Variants in ANO2 observed in about 807,000 individuals in gnomAD.
The protein encoded by ANO2 is anoctamin-2.
ANO2 carries 101 observed loss-of-function variants against 124.2 expected under a neutral mutation model. The ratio of observed to expected loss-of-function variants is 0.81; its 90% CI spans 0.69 to 0.96. ANO2 has a LOEUF of 0.96. Ranked by LOEUF, ANO2 falls within the 40% of genes least tolerant of loss-of-function variation. The pLI is 0.00. For synonymous variants in ANO2, 486 were observed against 482.5 expected (o/e 1.01, Z -0.09); for missense variants, 1,293 against 1,274.5 (o/e 1.01, Z -0.22).
chr12:5,866,894 C>T (rs1292729621), intron 3 of ANO2, among the ~76,000 whole-genome samples: 1 of 152,218 alleles, frequency 6.6e-6, no homozygotes, highest in Non-Finnish European at 1.5e-5. Context: ...AAATGCCTTC[C>T]TCTTTTCCCA....
At chr12:5,693,608 C>G (rs1314852509) in intron 14 of ANO2, among the ~76,000 whole-genome samples, 1 of 152,162 alleles carries the variant, frequency 6.6e-6, no homozygotes, top group Non-Finnish European at 1.5e-5. Context: ...GACTTCCCAT[C>G]TCATTCGGAG....
At chr12:5,668,826 T>G (rs1591857022) in intron 14 of ANO2, among the ~76,000 whole-genome samples, 1 of 152,256 alleles carries the variant, frequency 6.6e-6, no homozygotes, top group African/African-American at 2.4e-5. Flanking sequence ...TGCTTGTTTT[T>G]GCCAGATTTC....
In ANO2 at chr12:5,608,352, G is replaced by T. The variant is rs368188237; in HGVS notation, c.2087+4304C>A. On this transcript the variant is annotated intron_variant, in intron 19 of 24. Coordinates refer to ENST00000682330, the MANE Select transcript of ANO2 (RefSeq NM_001364791.2). ...ATTGTACAAATTATAAAGAACTTTGGGGATAAAAGATCCTAGGATTTGGCA... is the reference window on the plus strand; with the variant it reads ...ATTGTACAAATTATAAAGAACTTTGTGGATAAAAGATCCTAGGATTTGGCA... 4.6e-4 allele frequency among the ~76,000 whole-genome samples: 69 copies of T among 150,598 alleles called. 1 individual carries two copies. The highest frequency in any genetic ancestry group is 1.2e-3 in the African/African-American group (48 of 40,934).
rs557501968 is a variant in ANO2 at position 5,904,430 on chromosome 12, G to A, written c.534+16610C>T. Among the ~76,000 whole-genome samples, 15 of 152,340 alleles carry A rather than the reference G, an allele frequency of 9.8e-5. No individual in the cohort carries two copies. The East Asian group carries it at 2.5e-3, about 25-fold the overall frequency. On this transcript the variant is annotated intron_variant, in intron 3 of 24. Coordinates refer to ENST00000682330, the MANE Select transcript of ANO2 (RefSeq NM_001364791.2). This position sits in a 1 kb window ranked among gnomAD's most constrained non-coding sequence, Gnocchi z 4.1. ...AGAGTGATGGGAAAACCACATGGAAGGGAAGCCACAGAAGAGGAAGGCTGA... is the reference window on the plus strand; with the variant it reads ...AGAGTGATGGGAAAACCACATGGAAAGGAAGCCACAGAAGAGGAAGGCTGA...
chr12:5,579,288 T>C (rs1038168442), intron 20 of ANO2, among the ~76,000 whole-genome samples: 1 of 152,184 alleles, frequency 6.6e-6, no homozygotes, highest in Middle Eastern at 3.2e-3. Context: ...GTTTTATGTA[T>C]GCCAAGAGAG....
intron 13 of ANO2, among the ~76,000 whole-genome samples, chr12:5,736,521 T>C (rs976439125): frequency 6.6e-6 from 1 of 152,188 alleles, no homozygotes; most frequent in Non-Finnish European, 1.5e-5. Context: ...CTTCTAATCA[T>C]GGCTTTCAAG....
intron 20 of ANO2, chr12:5,584,135 C>A (rs553716711): frequency 1.2e-5 from 2 of 164,556 alleles, no homozygotes; most frequent in South Asian, 1.2e-4. Context: ...ATGAACACCC[C>A]CCCCCCGCCG....
At chr12:5,863,045 T>G (rs1383736158) in intron 3 of ANO2, among the ~76,000 whole-genome samples, 1 of 152,202 alleles carries the variant, frequency 6.6e-6, no homozygotes, top group African/African-American at 2.4e-5. Context: ...TCTGCTGCCA[T>G]GTAAACACAT....
chr12:5,675,632 C>T (rs934383146), intron 14 of ANO2, among the ~76,000 whole-genome samples: 13 of 152,234 alleles, frequency 8.5e-5, no homozygotes, highest in Middle Eastern at 3.2e-3. Context: ...CCTTGCCTTG[C>T]TGTCGTCAGT....
intron 14 of ANO2, among the ~76,000 whole-genome samples, chr12:5,720,183 G>A (rs775386550): frequency 3.3e-5 from 5 of 152,184 alleles, no homozygotes; most frequent in Non-Finnish European, 7.3e-5. Flanking sequence ...GCAACCTCTA[G>A]CTGGGCAATG....
chr12:5,563,078 A>G lies in ANO2; in HGVS notation c.*221T>C. On this transcript the variant is annotated 3_prime_UTR_variant, in exon 25 of 25. Coordinates refer to ENST00000682330, the MANE Select transcript of ANO2 (RefSeq NM_001364791.2). ...AAGGATGCAGCTTAAAAGGGGACCT[A>G]AAAGAAACTTAAGCTTGAAGTTTCT... The G allele has an allele frequency of 1.5e-6, 1 of 688,060 alleles. No individual in the cohort carries two copies. The highest frequency in any genetic ancestry group is 2.3e-6 in the Non-Finnish European group (1 of 425,734). 42.6% of individuals were successfully genotyped at this position (688,060 alleles called of 1,614,324 possible).
chr12:5,681,717 C>A (rs1178801440), intron 14 of ANO2, among the ~76,000 whole-genome samples: 1 of 152,162 alleles, frequency 6.6e-6, no homozygotes, highest in Non-Finnish European at 1.5e-5. Context: ...CTTCTTATTC[C>A]CTGGAGTCCA....
intron 3 of ANO2, among the ~76,000 whole-genome samples, chr12:5,864,393 G>T (rs949820093): frequency 6.6e-6 from 1 of 152,248 alleles, no homozygotes; most frequent in African/African-American, 2.4e-5. Context: ...TGGCGCCTGG[G>T]CTTCCAGCAC....
intron 6 of ANO2, among the ~76,000 whole-genome samples, chr12:5,829,156 G>A (rs1954075255): frequency 6.6e-6 from 1 of 152,140 alleles, no homozygotes; most frequent in Non-Finnish European, 1.5e-5. Context: ...CTAATATAGT[G>A]CAGTAATTCA....
chr12:5,786,686 C>G (rs1202446224), intron 10 of ANO2, among the ~76,000 whole-genome samples: 1 of 152,176 alleles, frequency 6.6e-6, no homozygotes, highest in Non-Finnish European at 1.5e-5. Flanking sequence ...TCCGCCTCCC[C>G]ACCACCTCCC....
chr12:5,688,111 G>A (rs1948778983), intron 14 of ANO2, among the ~76,000 whole-genome samples: 1 of 152,094 alleles, frequency 6.6e-6, no homozygotes, highest in African/African-American at 2.4e-5. Flanking sequence ...CCTTGTGGGG[G>A]GAACAGAAAC....
At chr12:5,930,253 T>C (rs1942298845) in intron 1 of ANO2, among the ~76,000 whole-genome samples, 1 of 152,232 alleles carries the variant, frequency 6.6e-6, no homozygotes. Flanking sequence ...CCCAATGTTT[T>C]ATACAATACC....
At chr12:5,834,094 A>G (rs548039223) in intron 4 of ANO2, among the ~76,000 whole-genome samples, 122 of 152,252 alleles carry the variant, frequency 8.0e-4, no homozygotes, top group Admixed American at 2.6e-3. Flanking sequence ...CCCACCTCCA[A>G]GCTGGCTACC....
chr12:5,933,864 C>T (rs1264199826), intron 1 of ANO2, among the ~76,000 whole-genome samples: 1 of 152,206 alleles, frequency 6.6e-6, no homozygotes, highest in Non-Finnish European at 1.5e-5. Context: ...TATACCACGC[C>T]TTCCCTAACC....
Sources: gnomAD v4.1 joint callset for allele counts (sites outside exome capture counted in the v4.1 genomes callset) on GRCh38, gnomAD v4.1.1 for gene constraint, Gnocchi (gnomAD v3.1) non-coding constraint, MANE v1.5 for transcripts, NCBI Gene and HGNC (gene_info 2026-07-23, HGNC 2026-07-21) for gene names.